Variants in ENO4 observed in about 807,000 individuals in gnomAD.
ENO4 encodes 2-phospho-D-glycerate hydro-lyase.
ENO4 carries 53 observed loss-of-function variants against 63.2 expected under a neutral mutation model. The ratio of observed to expected loss-of-function variants is 0.84; its 90% CI spans 0.67 to 1.05. ENO4 has a LOEUF of 1.05. Among genes scored for constraint, ENO4 ranks in the 50% least tolerant of loss-of-function variants. The pLI is 0.00. For synonymous variants in ENO4, 266 were observed against 283.8 expected (o/e 0.94, Z 0.63); for missense variants, 719 against 772.0 (o/e 0.93, Z 0.81).
chr10:116,879,672 GGATA>G (rs1846942967), intron 12 of ENO4, among the ~76,000 whole-genome samples, 193 bp from the exon 13 acceptor site: 2 of 152,186 alleles, frequency 1.3e-5, no homozygotes, highest in Non-Finnish European at 2.9e-5. Context: ...AGTGCCTGAT[GGATA>G]GTCAGCCACA....
At chr10:116,872,161 C>T (rs1846713345) in intron 9 of ENO4, among the ~76,000 whole-genome samples, 1 of 152,202 alleles carries the variant, frequency 6.6e-6, no homozygotes, top group Non-Finnish European at 1.5e-5. Context: ...CGTGCCATTG[C>T]ACTCCAGCCT....
At chr10:116,883,675 A>G (rs1457416128), downstream of ENO4, 3 of 153,614 alleles carry the variant, frequency 2.0e-5, no homozygotes, top group Non-Finnish European at 4.4e-5. Flanking sequence ...CTCCATTTCC[A>G]GCAGTTTACC....
In ENO4 at chr10:116,863,380, A is replaced by ACG. The variant is rs1304727574; in HGVS notation, c.990+529_990+530insGC. Among the ~76,000 whole-genome samples the ACG allele has an allele frequency of 2.5e-3, 378 of 151,824 alleles. 1 individual carries two copies. Among genetic ancestry groups the ACG allele is most frequent in the African/African-American group, 8.8e-3 (366 of 41,358 alleles). ...TTCACACACACACACACACACACAC[A>ACG]CACACACGCACACACCTTTTATTTT... is the stretch of plus-strand genomic sequence containing the variant. On this transcript the variant is annotated intron_variant, in intron 7 of 13. Coordinates refer to ENST00000341276, the MANE Select transcript of ENO4 (RefSeq NM_001242699.2).
At chr10:116,905,668 T>C (rs74451271) in intron 10 of ENO4, among the ~76,000 whole-genome samples, 7,965 of 152,272 alleles carry the variant, frequency 0.052, 319 homozygotes, top group Non-Finnish European at 0.071. Context: ...ATTTGGTCAA[T>C]GTGACTCAGC....
At chr10:116,900,155 G>A (rs934606852) in intron 10 of ENO4, among the ~76,000 whole-genome samples, 1 of 152,072 alleles carries the variant, frequency 6.6e-6, no homozygotes, top group Admixed American at 6.6e-5. Flanking sequence ...GAAAATACAC[G>A]GCATCAGTTA....
At position 116,849,545 on chromosome 10, in the gene ENO4, C is replaced by G; in HGVS notation, c.-22C>G. ...TCGTGGGACCCCAGGCTAAACCCCG[C>G]TGTAGCCTTAAATCTCCTACCATGG... On this transcript the variant is annotated 5_prime_UTR_variant, in exon 1 of 14. Transcript: ENST00000341276. 6.6e-7 allele frequency: 1 copy of G among 1,512,232 alleles called. No individual in the cohort carries two copies. Among genetic ancestry groups the G allele is most frequent in the Non-Finnish European group, 8.9e-7 (1 of 1,128,124 alleles). The allele number at this position is 1,512,232 out of a possible 1,614,324, so 93.7% of individuals were successfully genotyped here.
intron 3 of ENO4, among the ~76,000 whole-genome samples, chr10:116,857,899 A>G (rs950417207): frequency 6.6e-6 from 1 of 152,172 alleles, no homozygotes; most frequent in African/African-American, 2.4e-5. Context: ...GGCCTCCCAA[A>G]GTGCTGGGAT....
In ENO4 at chr10:116,859,064, T is replaced by C; in HGVS notation, c.560T>C (p.Val187Ala). The change falls in exon 4 of 14, where the codon GTG (valine) becomes GCG (alanine). Residue 187 changes from valine (V) to alanine (A), a missense_variant. Transcript: ENST00000341276. ...GAAAAGAGCCTGGAATACTCAACAGTGCCTACACCTCTACCTCCAGTACCA... is the reference window on the plus strand; with the variant it reads ...GAAAAGAGCCTGGAATACTCAACAGCGCCTACACCTCTACCTCCAGTACCA... Reference protein sequence around the residue: ...ELEKSLEYSTVPTPLPPVPPP... With the variant: ...ELEKSLEYSTAPTPLPPVPPP... 1 of 1,535,678 alleles carries C rather than the reference T, an allele frequency of 6.5e-7. No individual in the cohort carries two copies. The highest frequency in any genetic ancestry group is 8.7e-7 in the Non-Finnish European group (1 of 1,146,662).
chr10:116,886,357 C>T, downstream of ENO4: 1 of 1,553,568 alleles, frequency 6.4e-7, no homozygotes, highest in Non-Finnish European at 8.7e-7. Flanking sequence ...GCAGTTGGAG[C>T]TGTCTGTCTC....
chr10:116,874,080 A>C lies in ENO4; in HGVS notation c.1220A>C (p.Lys407Thr). 4 of 1,543,446 alleles carry C rather than the reference A, an allele frequency of 2.6e-6. No homozygotes were observed. In the South Asian group the frequency reaches 3.6e-5, roughly 14 times the overall value. ...TATTTTCCTGACACATATCAGAATAAAGGAAAGTATGAAGTGATCATGGGC... is the reference window on the plus strand; with the variant it reads ...TATTTTCCTGACACATATCAGAATACAGGAAAGTATGAAGTGATCATGGGC... ...CAGHELMDYN[K>T]GKYEVIMGTY... Residue 407 changes from lysine (K) to threonine (T), a missense_variant, in exon 10 of 14, where the codon AAA becomes ACA. Around this residue, in one of 3 missense-constraint regions of ENO4, gnomAD observed 544 missense variants for 583.6 expected, o/e 0.93. Coordinates refer to ENST00000341276, the MANE Select transcript of ENO4 (RefSeq NM_001242699.2).
At chr10:116,910,180 AC>A (rs1339911318) in intron 10 of ENO4, among the ~76,000 whole-genome samples, 1 of 152,190 alleles carries the variant, frequency 6.6e-6, no homozygotes, top group Non-Finnish European at 1.5e-5. Flanking sequence ...CCTCAAAGAA[AC>A]TTCTATGGGG....
chr10:116,858,885 C>A, intron 3 of ENO4, 105 bp from the exon 4 acceptor site: 1 of 561,952 alleles, frequency 1.8e-6, no homozygotes, highest in Non-Finnish European at 2.9e-6. Flanking sequence ...AGCTGAAAAG[C>A]AGTTATTTAT....
chr10:116,888,492 T>G (rs181491542), intron 10 of ENO4, among the ~76,000 whole-genome samples: 2 of 152,166 alleles, frequency 1.3e-5, no homozygotes, highest in Non-Finnish European at 2.9e-5. Flanking sequence ...GTTCTGACAG[T>G]TGGGAGGGAA....
At chr10:116,850,217 C>G (rs1452220947) in intron 1 of ENO4, 1 of 221,078 alleles carries the variant, frequency 4.5e-6, no homozygotes, top group South Asian at 5.5e-5. Flanking sequence ...GCTCCTCTGC[C>G]GGGATGCCAG....
downstream of ENO4, chr10:116,884,299 A>C (rs1332372917): frequency 8.8e-6 from 4 of 456,588 alleles, no homozygotes; most frequent in Admixed American, 2.3e-5. Context: ...TCAAAACCAA[A>C]GTGAAAAGGG....
In ENO4 at chr10:116,881,305, G is replaced by T. The variant is rs547500230; in HGVS notation, c.1724-210G>T. Among the ~76,000 whole-genome samples the T allele has an allele frequency of 2.0e-5, 3 of 152,302 alleles. No individual in the cohort carries two copies. The South Asian group carries it at 6.2e-4, about 32-fold the overall frequency. On this transcript the variant is annotated intron_variant, in intron 13 of 13. Transcript: ENST00000341276. ...CATCAGATGTTCCAGAATGTTGAAT[G>T]AGAGTGCAAGTAAAATCGAACAGAA...
At chr10:116,893,480 G>A (rs1194093832) in intron 10 of ENO4, among the ~76,000 whole-genome samples, 1 of 151,450 alleles carries the variant, frequency 6.6e-6, no homozygotes, top group Non-Finnish European at 1.5e-5. Context: ...CGTCCATGCA[G>A]TTCATTCTGC....
chr10:116,901,134 A>G, intron 10 of ENO4: 1 of 985,394 alleles, frequency 1.0e-6, no homozygotes, highest in South Asian at 4.7e-5. Flanking sequence ...CAAGAGAACT[A>G]AAGCAAAACT....
chr10:116,849,515 G>T lies in ENO4; in HGVS notation c.-52G>T. On this transcript the variant is annotated 5_prime_UTR_variant, in exon 1 of 14. Coordinates refer to ENST00000341276, the MANE Select transcript of ENO4 (RefSeq NM_001242699.2). ...CGTTGCGTTGCCTAGCGACAGCAGG[G>T]ACGCTCGTGGGACCCCAGGCTAAAC... The T allele has an allele frequency of 6.9e-7, 1 of 1,452,980 alleles. No homozygotes were observed. Among genetic ancestry groups the T allele is most frequent in the Non-Finnish European group, 9.1e-7 (1 of 1,097,294 alleles). 90.0% of individuals were successfully genotyped at this position (1,452,980 alleles called of 1,614,324 possible). A position where few individuals can be genotyped will look rare whatever the true frequency, so the allele number is the denominator to read the frequency against.
Sources: allele counts gnomAD v4.1 joint callset (sites outside exome capture counted in the v4.1 genomes callset), GRCh38; gene constraint gnomAD v4.1.1; regional missense constraint gnomAD v4.1.1; transcripts MANE v1.5; gene names NCBI Gene and HGNC (gene_info 2026-07-23, HGNC 2026-07-21).